ACSM2B: variants seen among roughly 807,000 people sequenced by gnomAD.
ACSM2B encodes the protein acyl-CoA synthetase medium chain family member 2B, also known as acyl-coenzyme A synthetase ACSM2B, mitochondrial.
ACSM2B carries 58 observed loss-of-function variants against 78.6 expected under a neutral mutation model. The ratio of observed to expected loss-of-function variants is 0.74; its 90% CI spans 0.60 to 0.92. The LOEUF is 0.92. Ranked by LOEUF, ACSM2B falls within the 40% of genes least tolerant of loss-of-function variation. ACSM2B has a pLI of 0.00. For synonymous variants in ACSM2B, 257 were observed against 256.8 expected, an observed-to-expected ratio of 1.00 and a Z score of -0.01; for missense variants, 688 against 711.2, an observed-to-expected ratio of 0.97 and a Z score of 0.37.
intron 6 of ACSM2B, among the ~76,000 whole-genome samples, chr16:20,551,229 G>C (rs1347760856): frequency 2.0e-5 from 3 of 152,124 alleles, no homozygotes; most frequent in Non-Finnish European, 4.4e-5. Flanking sequence ...TTCTGCAGTG[G>C]TGGGAATGTT....
In ACSM2B at chr16:20,537,041, T is replaced by C. The variant is rs959094827; in HGVS notation, c.*217A>G. ...TCCCTGACTTACTTTTCTTTCCTCT[T>C]TTTCTGTTACCCTCTCCTTTTCACT... On this transcript the variant is annotated 3_prime_UTR_variant, in exon 14 of 14. Transcript: ENST00000329697. 2 of 480,098 alleles carry C rather than the reference T, an allele frequency of 4.2e-6. No homozygotes were observed. The highest frequency in any genetic ancestry group is 4.0e-5 in the African/African-American group (2 of 50,362). 29.7% of individuals were successfully genotyped at this position (480,098 alleles called of 1,614,324 possible).
At chr16:20,541,596 A>G (rs1215459578) in intron 12 of ACSM2B, 1 of 151,982 alleles carries the variant, frequency 6.6e-6, no homozygotes, top group Non-Finnish European at 1.5e-5. Context: ...GCCTCATCAA[A>G]ATAGACATTA....
intron 3 of ACSM2B, among the ~76,000 whole-genome samples, chr16:20,557,407 C>A (rs199810967): frequency 1.6e-5 from 2 of 121,342 alleles, no homozygotes; most frequent in African/African-American, 9.4e-5. Flanking sequence ...TTATTAGTTC[C>A]CCCCCAATTG....
intron 8 of ACSM2B, 84 bp downstream of exon 8, chr16:20,547,978 T>A (rs1230640951): frequency 1.3e-6 from 2 of 1,593,016 alleles, no homozygotes; most frequent in Admixed American, 1.8e-5. Flanking sequence ...GAATGATACA[T>A]GGTGGCTAAC....
At position 20,536,838 on chromosome 16, in the gene ACSM2B, CTTTA is replaced by C. The variant is rs745501951; in HGVS notation, c.*416_*419del. 5 of 153,854 alleles carry C rather than the reference CTTTA, an allele frequency of 3.2e-5. No individual in the cohort carries two copies. The highest frequency in any genetic ancestry group is 9.7e-5 in the African/African-American group (4 of 41,322). 9.5% of individuals were successfully genotyped at this position (153,854 alleles called of 1,614,324 possible). A position where few individuals can be genotyped will look rare whatever the true frequency, so the allele number is the denominator to read the frequency against. Reference sequence around the variant, plus strand: ...TGCTCTTTCTTCTTTCTCTTTCTCTCTTTATTTCTTTCCTTTCTTCTCTTTATTT... The same window carrying C: ...TGCTCTTTCTTCTTTCTCTTTCTCTCTTTCTTTCCTTTCTTCTCTTTATTT... On this transcript the variant is annotated 3_prime_UTR_variant, in exon 14 of 14. Coordinates refer to ENST00000329697, the MANE Select transcript of ACSM2B (RefSeq NM_001105069.2).
chr16:20,568,826 G>A (rs1301200069), intron 1 of ACSM2B, among the ~76,000 whole-genome samples: 1 of 151,808 alleles, frequency 6.6e-6, no homozygotes, highest in African/African-American at 2.4e-5. Context: ...TAGTGATGTT[G>A]AGCATTTTTT....
In ACSM2B at chr16:20,536,708, TC is replaced by T. The variant is rs1266886935; in HGVS notation, c.*549del. 1 of 152,128 alleles carries T rather than the reference TC, an allele frequency of 6.6e-6. No individual in the cohort carries two copies. Among genetic ancestry groups the T allele is most frequent in the Non-Finnish European group, 1.5e-5 (1 of 68,032 alleles). The allele number at this position is 152,128 out of a possible 1,614,324, so 9.4% of individuals were successfully genotyped here. A position where few individuals can be genotyped will look rare whatever the true frequency, so the allele number is the denominator to read the frequency against. Reference sequence around the variant, plus strand: ...TCCCTCTCTTCCTTTCTTCCTGTCTTCCATGACTTTTCTTTATCAGTTTCTT... The same window carrying T: ...TCCCTCTCTTCCTTTCTTCCTGTCTTCATGACTTTTCTTTATCAGTTTCTT... On this transcript the variant is annotated 3_prime_UTR_variant, in exon 14 of 14. Transcript: ENST00000329697.
intron 13 of ACSM2B, 50 bp from the exon 14 acceptor site, chr16:20,537,412 G>T: frequency 1.9e-6 from 3 of 1,603,716 alleles, no homozygotes; most frequent in Non-Finnish European, 2.6e-6. Context: ...ATGACAGTGG[G>T]TTGCATTTTT....
intron 1 of ACSM2B, among the ~76,000 whole-genome samples, chr16:20,567,841 T>C (rs1306820379): frequency 1.4e-5 from 2 of 142,238 alleles, no homozygotes; most frequent in Non-Finnish European, 3.0e-5. Context: ...TATACTATTA[T>C]ATAATATATT....
intron 8 of ACSM2B, 27 bp downstream of exon 8, chr16:20,548,035 G>T (rs780502415): frequency 6.2e-5 from 100 of 1,613,268 alleles, no homozygotes; most frequent in Non-Finnish European, 8.4e-5. Context: ...AGTGCACACA[G>T]CCCATGGTTC....
intron 1 of ACSM2B, among the ~76,000 whole-genome samples, chr16:20,566,570 G>T (rs1462083238): frequency 2.9e-4 from 27 of 92,094 alleles, no homozygotes; most frequent in African/African-American, 1.2e-3. Flanking sequence ...AGTATATAAG[G>T]AGATATGTTA....
chr16:20,558,957 TTAAA>T (rs2152141240), intron 3 of ACSM2B, among the ~76,000 whole-genome samples: 1 of 152,360 alleles, frequency 6.6e-6, no homozygotes, highest in African/African-American at 2.4e-5. Flanking sequence ...ATAATTCTGA[TTAAA>T]TACTTACATG....
At chr16:20,575,074 G>T (rs1241087151) in intron 1 of ACSM2B, among the ~76,000 whole-genome samples, 1 of 151,360 alleles carries the variant, frequency 6.6e-6, no homozygotes, top group Non-Finnish European at 1.5e-5. Context: ...TCACACCAAG[G>T]GCTATCAGTC....
chr16:20,566,544 A>ATATACTATATAGGTATACTATATAC (rs2015852822), intron 1 of ACSM2B, among the ~76,000 whole-genome samples: 1 of 103,764 alleles, frequency 9.6e-6, no homozygotes, highest in African/African-American at 4.0e-5. Context: ...ATACTATATA[A>ATATACTATATAGGTATACTATATAC]CTATATACTA....
intron 1 of ACSM2B, chr16:20,575,388 A>G (rs1057127442): frequency 2.6e-4 from 40 of 151,496 alleles, no homozygotes; most frequent in Admixed American, 2.6e-4. Context: ...ACACAACTGT[A>G]TATATATATA....
intron 4 of ACSM2B, chr16:20,554,280 C>G (rs1279788110): frequency 1.7e-5 from 7 of 417,006 alleles, no homozygotes; most frequent in African/African-American, 8.3e-5. Context: ...AAATGCTAAT[C>G]TAATTGTTGT....
intron 8 of ACSM2B, chr16:20,546,790 A>G (rs2015155814): frequency 3.8e-6 from 1 of 261,870 alleles, no homozygotes; most frequent in Admixed American, 5.3e-5. Context: ...CTTGCAAACT[A>G]TATGGAATCA....
rs1358780489 is a variant in ACSM2B at position 20,559,222 on chromosome 16, T to C, written c.388+15A>G. Reference sequence around the variant, plus strand: ...CAAGGAAGACAGTTCTCTGTCCAGGTAGTCAGTTACCAACCTGCTCGAATG... The same window carrying C: ...CAAGGAAGACAGTTCTCTGTCCAGGCAGTCAGTTACCAACCTGCTCGAATG... On this transcript the variant is annotated intron_variant, in intron 3 of 13. Transcript: ENST00000329697. 1.3e-6 allele frequency: 2 copies of C among 1,574,650 alleles called. No homozygotes were observed. Among genetic ancestry groups the C allele is most frequent in the African/African-American group, 1.4e-5 (1 of 74,010 alleles).
chr16:20,567,994 T>C (rs944865330), intron 1 of ACSM2B, among the ~76,000 whole-genome samples: 2 of 143,860 alleles, frequency 1.4e-5, no homozygotes, highest in Non-Finnish European at 3.0e-5. Context: ...CACGTATTTT[T>C]ACATATATTT....
Sources: allele counts gnomAD v4.1 joint callset (sites outside exome capture counted in the v4.1 genomes callset), GRCh38; gene constraint gnomAD v4.1.1; transcripts MANE v1.5; gene names NCBI Gene and HGNC (gene_info 2026-07-23, HGNC 2026-07-21).